Variants in KCTD8 observed in about 807,000 individuals in gnomAD.
KCTD8 encodes BTB/POZ domain-containing protein KCTD8.
A neutral mutation model predicts 31.5 loss-of-function variants in KCTD8; 27 were observed. That is an observed-to-expected ratio of 0.86 (90% CI 0.63 to 1.18). The LOEUF is 1.18. Among genes scored for constraint, KCTD8 ranks in the 50% most tolerant of loss-of-function variants. The pLI is 0.00. For synonymous variants in KCTD8, 290 were observed against 280.0 expected, an observed-to-expected ratio of 1.04 and a Z score of -0.36; for missense variants, 658 against 647.7, an observed-to-expected ratio of 1.02 and a Z score of -0.17.
intron 1 of KCTD8, among the ~76,000 whole-genome samples, chr4:44,326,745 T>G (rs923298653): frequency 2.0e-5 from 3 of 151,828 alleles, no homozygotes; most frequent in Admixed American, 2.0e-4. Context: ...CTTCTGGTTA[T>G]TTACTATGTA....
chr4:44,261,947 G>A (rs1036149843), intron 1 of KCTD8, among the ~76,000 whole-genome samples: 1 of 152,062 alleles, frequency 6.6e-6, no homozygotes, highest in Non-Finnish European at 1.5e-5. Context: ...AATAAGAGAG[G>A]AGAGGCCTCA....
intron 1 of KCTD8, among the ~76,000 whole-genome samples, chr4:44,440,033 G>A (rs1386463825): frequency 6.6e-6 from 1 of 151,880 alleles, no homozygotes; most frequent in African/African-American, 2.4e-5. Flanking sequence ...CTGGGTTCAA[G>A]CAATTCTCCT....
chr4:44,400,008 T>C (rs533119773), intron 1 of KCTD8, among the ~76,000 whole-genome samples: 6 of 152,340 alleles, frequency 3.9e-5, no homozygotes, highest in African/African-American at 9.6e-5. Context: ...ACCTTAATAC[T>C]AGTAAGAAAC....
At chr4:44,367,326 G>A (rs746732346) in intron 1 of KCTD8, among the ~76,000 whole-genome samples, 1 of 151,982 alleles carries the variant, frequency 6.6e-6, no homozygotes, top group African/African-American at 2.4e-5. Flanking sequence ...CCTGATACAC[G>A]GAAGGAATTT....
intron 1 of KCTD8, among the ~76,000 whole-genome samples, chr4:44,179,471 T>A (rs941424063): frequency 1.3e-5 from 2 of 149,114 alleles, no homozygotes; most frequent in African/African-American, 2.4e-5. Flanking sequence ...ATTAAATATA[T>A]ATTAACATAT....
At chr4:44,212,466 T>C (rs921169273) in intron 1 of KCTD8, among the ~76,000 whole-genome samples, 6 of 152,142 alleles carry the variant, frequency 3.9e-5, no homozygotes, top group African/African-American at 1.4e-4. Context: ...GTTTGTCCTA[T>C]GGAACTCACA....
rs112069942 is a variant in KCTD8, at chr4:44,237,429, T to C, written c.962-62179A>G. 7.0e-3 allele frequency among the ~76,000 whole-genome samples: 1,058 copies of C among 152,044 alleles called. 12 individuals carry two copies. Among genetic ancestry groups the C allele is most frequent in the African/African-American group, 0.024 (1,008 of 41,456 alleles). ...GACCCTATGGGTTATTATTTGGGAG[T>C]TGGGAATGGGTGGAATGGAGTTGAG... On this transcript the variant is annotated intron_variant, in intron 1 of 1. Transcript: ENST00000360029.
chr4:44,377,014 A>G lies in KCTD8; in HGVS notation c.961+70549T>C, dbSNP rs1256224337. Among the ~76,000 whole-genome samples the G allele has an allele frequency of 2.0e-5, 3 of 152,228 alleles. No homozygotes were observed. The East Asian group carries it at 5.8e-4, about 29-fold the overall frequency. On this transcript the variant is annotated intron_variant, in intron 1 of 1. Coordinates refer to ENST00000360029, the MANE Select transcript of KCTD8 (RefSeq NM_198353.3). ...AACATTTGCAGGACTCAGTAAAAAC[A>G]TAAATGAGGCCCACACACCACATGT...
chr4:44,447,426 C>T, intron 1 of KCTD8, 137 bp downstream of exon 1: 1 of 1,336,736 alleles, frequency 7.5e-7, no homozygotes, highest in Non-Finnish European at 9.7e-7. Context: ...GGGAATCGTG[C>T]AGGGAGAGCC....
chr4:44,222,058 T>C (rs920168307), intron 1 of KCTD8, among the ~76,000 whole-genome samples: 1 of 152,220 alleles, frequency 6.6e-6, no homozygotes, highest in Non-Finnish European at 1.5e-5. Flanking sequence ...TGTAATGTAC[T>C]GGATCTATTT....
intron 1 of KCTD8, among the ~76,000 whole-genome samples, chr4:44,416,390 G>C (rs562356591): frequency 6.6e-6 from 1 of 152,262 alleles, no homozygotes; most frequent in Admixed American, 6.5e-5. Flanking sequence ...AGGGATTATT[G>C]TATTTTGTGA....
At chr4:44,363,236 T>A (rs181301736) in intron 1 of KCTD8, among the ~76,000 whole-genome samples, 240 of 152,284 alleles carry the variant, frequency 1.6e-3, no homozygotes, top group African/African-American at 5.2e-3. Context: ...CTCCTCCGGC[T>A]TTTTTATTCC....
At chr4:44,383,426 C>T (rs1372251623) in intron 1 of KCTD8, among the ~76,000 whole-genome samples, 1 of 151,922 alleles carries the variant, frequency 6.6e-6, no homozygotes. Context: ...TACTACAGAC[C>T]TTTAGGAACC....
At chr4:44,279,308 G>C (rs1716834749) in intron 1 of KCTD8, among the ~76,000 whole-genome samples, 1 of 152,024 alleles carries the variant, frequency 6.6e-6, no homozygotes, top group South Asian at 2.1e-4. Context: ...TGCATATCCT[G>C]TATTCTGTAT....
chr4:44,429,256 C>T (rs1254032361), intron 1 of KCTD8, among the ~76,000 whole-genome samples: 1 of 151,724 alleles, frequency 6.6e-6, no homozygotes, highest in Non-Finnish European at 1.5e-5. Context: ...CGCTTTTGTA[C>T]AAGTATTGGA....
chr4:44,381,740 T>G (rs1425887646), intron 1 of KCTD8, among the ~76,000 whole-genome samples: 1 of 151,600 alleles, frequency 6.6e-6, no homozygotes, highest in Admixed American at 6.6e-5. Flanking sequence ...TCTGGTTGTT[T>G]AAAAGTGTGT....
At chr4:44,364,423 C>T (rs1719578338) in intron 1 of KCTD8, among the ~76,000 whole-genome samples, 1 of 152,126 alleles carries the variant, frequency 6.6e-6, no homozygotes, top group South Asian at 2.1e-4. Flanking sequence ...ATCCAAAACA[C>T]TGGCAAAACC....
intron 1 of KCTD8, among the ~76,000 whole-genome samples, chr4:44,416,776 G>A (rs1721088305): frequency 6.6e-6 from 1 of 152,066 alleles, no homozygotes. Flanking sequence ...GCAGAACCAT[G>A]AACCAAAATA....
intron 1 of KCTD8, among the ~76,000 whole-genome samples, chr4:44,368,817 T>C (rs572144628): frequency 6.6e-6 from 1 of 152,284 alleles, no homozygotes; most frequent in African/African-American, 2.4e-5. Context: ...AATGATGACA[T>C]TTGAGAAAGG....
Sources: allele counts gnomAD v4.1 joint callset (sites outside exome capture counted in the v4.1 genomes callset), GRCh38; gene constraint gnomAD v4.1.1; transcripts MANE v1.5; gene names NCBI Gene and HGNC (gene_info 2026-07-23, HGNC 2026-07-21).